The following DZIP1 variants were observed in gnomAD, a reference collection of about 807,000 sequenced individuals.
DZIP1 encodes DAZ interacting zinc finger protein 1.
Under a neutral mutation model 107.6 loss-of-function variants are expected in DZIP1, and 97 were observed. The ratio of observed to expected loss-of-function variants is 0.90; its 90% CI spans 0.77 to 1.07. DZIP1 has a LOEUF of 1.07. DZIP1 is among the 50% of genes least tolerant of loss of function. The pLI, the probability that DZIP1 is intolerant of heterozygous loss-of-function variation, is 0.00. For synonymous variants in DZIP1, 390 were observed against 386.4 expected (o/e 1.01, Z -0.11); for missense variants, 1,035 against 1,063.6 (o/e 0.97, Z 0.37).
In DZIP1 at chr13:95,641,793, C is replaced by T; in HGVS notation, c.99G>A (p.Val33=). 2.0e-6 allele frequency: 3 copies of T among 1,508,004 alleles called. No individual in the cohort carries two copies. Among genetic ancestry groups the T allele is most frequent in the Non-Finnish European group, 8.8e-7 (1 of 1,138,270 alleles). 93.4% of individuals were successfully genotyped at this position (1,508,004 alleles called of 1,614,324 possible). A position where few individuals can be genotyped will look rare whatever the true frequency, so the allele number is the denominator to read the frequency against. The stretch of plus-strand genomic sequence containing the variant: ...AGGCCGCACCCGCGGCGGCGGCGGC[C>T]ACAGCGACGTCGGGCCCCTCTGGGC... ...ASGPEGPDVA[V]AAAAAGAASM... is the part of the protein sequence containing the mutation. The change falls in exon 5 of 23, where the codon GTG becomes GTA. Residue 33 remains valine (V), a synonymous_variant. Coordinates refer to ENST00000376829, the MANE Select transcript of DZIP1 (RefSeq NM_198968.4). This position sits in a 1 kb window ranked among gnomAD's most constrained non-coding sequence, Gnocchi z 4.3.
At chr13:95,590,155 G>T in intron 17 of DZIP1, 124 bp downstream of exon 17, 1 of 1,099,804 alleles carries the variant, frequency 9.1e-7, no homozygotes, top group Non-Finnish European at 1.3e-6. Context: ...CCAGTGAAGT[G>T]GCGAAGTTTG....
chr13:95,622,023 C>G (rs1006495355), intron 9 of DZIP1, among the ~76,000 whole-genome samples: 2 of 152,106 alleles, frequency 1.3e-5, no homozygotes, highest in African/African-American at 4.8e-5. Flanking sequence ...TCAATATGCC[C>G]TTCTACACCT....
At chr13:95,642,766 T>C (rs926690422) in intron 3 of DZIP1, among the ~76,000 whole-genome samples, 4 of 152,258 alleles carry the variant, frequency 2.6e-5, no homozygotes, top group Non-Finnish European at 5.9e-5. Flanking sequence ...AAAGTTGTTT[T>C]TTAAATGAAA....
intron 5 of DZIP1, among the ~76,000 whole-genome samples, chr13:95,636,709 G>A (rs761936615): frequency 6.6e-5 from 10 of 152,184 alleles, no homozygotes; most frequent in Non-Finnish European, 7.4e-5. Flanking sequence ...CAAAGAGTAC[G>A]GAGAACTAAT....
intron 6 of DZIP1, among the ~76,000 whole-genome samples, chr13:95,631,178 G>A (rs1173994713): frequency 7.2e-5 from 11 of 152,140 alleles, no homozygotes; most frequent in Admixed American, 4.6e-4. Context: ...GAATGAGGTC[G>A]GGCACAGTGG....
chr13:95,601,751 C>T (rs1482147691), intron 14 of DZIP1, among the ~76,000 whole-genome samples: 2 of 152,216 alleles, frequency 1.3e-5, no homozygotes, highest in African/African-American at 4.8e-5. Context: ...CCTACTGGCA[C>T]TCACTGGGCT....
Position 95,579,469 on chromosome 13 carries a change from T to A in DZIP1, c.*2765A>T, listed in dbSNP as rs967522960. ...CATCCTGCATTTACAGAAAAAGAAA[T>A]GAAAACAGAGAGCTTAAATAATTTG... On this transcript the variant is annotated 3_prime_UTR_variant, in exon 23 of 23. Transcript: ENST00000376829. 2 of 152,172 alleles carry A rather than the reference T, an allele frequency of 1.3e-5. No individual in the cohort carries two copies. Among genetic ancestry groups the A allele is most frequent in the African/African-American group, 4.8e-5 (2 of 41,458 alleles). The allele number at this position is 152,172 out of a possible 1,614,324, so 9.4% of individuals were successfully genotyped here.
rs747052868 is a variant in DZIP1, at chr13:95,641,423, C to A, written c.469G>T (p.Glu157Ter). ...TTGGTGAGCAGCTTCTTGCTCTGCT[C>A]GCCGTCGCAGTGGCTCAGGCGCAGC... ...ERLRLSHCDG[E>*]QSKKLLTKQA... The change falls in exon 5 of 23, where the codon GAG (glutamate) becomes TAG (stop). Residue 157 changes from glutamate (E) to a stop codon, truncating the protein, a stop_gained. Transcript: ENST00000376829. LOFTEE classifies it high-confidence loss of function. The surrounding 1 kb of genome is among the most constrained non-coding windows in gnomAD (Gnocchi z 4.3). 1 of 1,613,970 alleles carries A rather than the reference C, an allele frequency of 6.2e-7. No individual in the cohort carries two copies. Among genetic ancestry groups the A allele is most frequent in the Non-Finnish European group, 8.5e-7 (1 of 1,180,004 alleles).
Position 95,641,354 on chromosome 13 carries a change from G to A in DZIP1, c.538C>T (p.Arg180Trp), listed in dbSNP as rs1328970095. 32 of 1,612,346 alleles carry A rather than the reference G, an allele frequency of 2.0e-5. No individual in the cohort carries two copies. In the Admixed American group the frequency reaches 4.8e-4, roughly 24 times the overall value. The change falls in exon 5 of 23, where the codon CGG (arginine) becomes TGG (tryptophan). Residue 180 changes from arginine (R) to tryptophan (W), a missense_variant. Transcript: ENST00000376829. The surrounding 1 kb of genome is among the most constrained non-coding windows in gnomAD (Gnocchi z 4.3). ...TGCTGGGTGGAGATCATCTTCTTCC[G>A]GCGTTTGCACTCTTCCTTGAGCGTC... The part of the protein sequence containing the change: ...IKTLKEECKR[R>W]KKMISTQQLM...
At chr13:95,600,734 C>T (rs1245708727) in intron 14 of DZIP1, among the ~76,000 whole-genome samples, 2 of 152,054 alleles carry the variant, frequency 1.3e-5, no homozygotes, top group Non-Finnish European at 2.9e-5. Flanking sequence ...GGGAGAAACG[C>T]ATCTTAAACT....
intron 14 of DZIP1, among the ~76,000 whole-genome samples, chr13:95,600,170 T>G (rs2044571041): frequency 6.6e-6 from 1 of 152,194 alleles, no homozygotes; most frequent in Non-Finnish European, 1.5e-5. Context: ...TCCTACCAAC[T>G]GAAGGAAATT....
chr13:95,608,409 C>T (rs1034796820), intron 13 of DZIP1, among the ~76,000 whole-genome samples: 1 of 150,062 alleles, frequency 6.7e-6, no homozygotes, highest in Non-Finnish European at 1.5e-5. Context: ...TTGCATACTC[C>T]ATTTGGAGAA....
In DZIP1 at chr13:95,587,686, G is replaced by GGTC. The variant is rs748362339; in HGVS notation, c.2068_2070dup (p.Asp690dup). On this transcript the variant is annotated inframe_insertion, in exon 20 of 23. Transcript: ENST00000376829. ...CCTGGGGATGCGTATGCCCGGATGAGGTCGTCGTCCTCCTGCTCCTCCTCT... is the reference window on the plus strand; with the variant it reads ...CCTGGGGATGCGTATGCCCGGATGAGGTCGTCGTCGTCCTCCTGCTCCTCCTCT... 1.2e-6 allele frequency: 2 copies of GGTC among 1,614,102 alleles called. No individual in the cohort carries two copies. The highest frequency in any genetic ancestry group is 4.5e-5 in the East Asian group (2 of 44,870).
chr13:95,611,560 G>T, intron 11 of DZIP1, 67 bp from the exon 12 acceptor site: 2 of 1,239,262 alleles, frequency 1.6e-6, no homozygotes, highest in South Asian at 2.4e-5. Context: ...ATGGGATAAT[G>T]GACAGATAAT....
chr13:95,609,149 T>C (rs2044893138), intron 13 of DZIP1, among the ~76,000 whole-genome samples: 1 of 138,556 alleles, frequency 7.2e-6, no homozygotes, highest in East Asian at 2.1e-4. Context: ...CACAGTCGCA[T>C]AGTGTATCAC....
chr13:95,588,600 A>G (rs959677362), intron 19 of DZIP1, among the ~76,000 whole-genome samples: 3 of 152,228 alleles, frequency 2.0e-5, no homozygotes, highest in African/African-American at 7.2e-5. Flanking sequence ...TCCATATTAC[A>G]GATAAGGAAA....
chr13:95,626,709 A>G (rs1795674188), intron 7 of DZIP1, among the ~76,000 whole-genome samples: 1 of 152,238 alleles, frequency 6.6e-6, no homozygotes, highest in Non-Finnish European at 1.5e-5. Context: ...AAAAGCAGCT[A>G]TATTTCTATA....
At chr13:95,587,178 G>A (rs1301569118) in intron 20 of DZIP1, among the ~76,000 whole-genome samples, 1 of 152,192 alleles carries the variant, frequency 6.6e-6, no homozygotes, top group African/African-American at 2.4e-5. Flanking sequence ...GTCAAGGACA[G>A]AGGCGCGGAA....
intron 7 of DZIP1, among the ~76,000 whole-genome samples, chr13:95,625,908 A>G (rs899336587): frequency 2.0e-5 from 3 of 151,934 alleles, no homozygotes; most frequent in African/African-American, 4.8e-5. Flanking sequence ...CGATCACTTG[A>G]TCTCAGGAGT....
Sources: allele counts gnomAD v4.1 joint callset (sites outside exome capture counted in the v4.1 genomes callset), GRCh38; gene constraint gnomAD v4.1.1; non-coding constraint Gnocchi (gnomAD v3.1); transcripts MANE v1.5; gene names NCBI Gene and HGNC (gene_info 2026-07-23, HGNC 2026-07-21).